Variants in CFAP46 observed in about 807,000 individuals in gnomAD.
CFAP46 encodes cilia and flagella associated protein 46, also known as cilia- and flagella-associated protein 46.
CFAP46 carries 245 observed loss-of-function variants against 325.7 expected under a neutral mutation model. That is an observed-to-expected ratio of 0.75 (90% CI 0.68 to 0.84). The LOEUF is 0.84. Ranked by LOEUF, CFAP46 falls within the 40% of genes least tolerant of loss-of-function variation. The pLI is 0.00. For synonymous variants in CFAP46, 1,523 were observed against 1,495.9 expected, an observed-to-expected ratio of 1.02 and a Z score of -0.42; for missense variants, 3,346 against 3,543.0, an observed-to-expected ratio of 0.94 and a Z score of 1.41.
At chr10:132,878,273 C>T (rs764714379) in intron 29 of CFAP46, among the ~76,000 whole-genome samples, 186 bp from the exon 30 acceptor site, 1 of 152,198 alleles carries the variant, frequency 6.6e-6, no homozygotes, top group East Asian at 1.9e-4. Context: ...TGGGCTGGCC[C>T]GGGGTGTGGG....
rs1395444540 is a variant in CFAP46, at chr10:132,877,835, G to C, written c.4212+46C>G. On this transcript the variant is annotated intron_variant, in intron 30 of 57. Transcript: ENST00000368586. The surrounding 1 kb of genome is among the most constrained non-coding windows in gnomAD (Gnocchi z 5.7). ...TGACAGGCAGGGAAACTGAGGCACAGGCCATCCTGGGCCCGGCCTCTGCAC... is the reference window on the plus strand; with the variant it reads ...TGACAGGCAGGGAAACTGAGGCACACGCCATCCTGGGCCCGGCCTCTGCAC... The C allele has an allele frequency of 6.5e-7, 1 of 1,539,354 alleles. No homozygotes were observed. Among genetic ancestry groups the C allele is most frequent in the South Asian group, 1.2e-5 (1 of 83,660 alleles).
chr10:132,831,958 A>G (rs1403521647), intron 50 of CFAP46, among the ~76,000 whole-genome samples: 1 of 152,086 alleles, frequency 6.6e-6, no homozygotes, highest in Non-Finnish European at 1.5e-5. Flanking sequence ...TTATAACTTT[A>G]TCACAGTCTA....
At chr10:132,841,937 ACTTCTGGGT>A (rs1298897495) in intron 44 of CFAP46, among the ~76,000 whole-genome samples, 1 of 152,056 alleles carries the variant, frequency 6.6e-6, no homozygotes, top group African/African-American at 2.4e-5. Context: ...CTCTGAAATG[ACTTCTGGGT>A]CTTTCTTCCA....
At chr10:132,885,704 C>T in intron 26 of CFAP46, 117 bp downstream of exon 26, 1 of 826,088 alleles carries the variant, frequency 1.2e-6, no homozygotes, top group African/African-American at 1.7e-5. Flanking sequence ...GAGCACACCC[C>T]CGGTGGGGAT....
At chr10:132,873,261 C>T (rs1015291191) in intron 31 of CFAP46, among the ~76,000 whole-genome samples, 3 of 152,240 alleles carry the variant, frequency 2.0e-5, no homozygotes, top group Admixed American at 6.5e-5. Context: ...AAAACCATTA[C>T]TCTTGAGTGG....
chr10:132,833,946 C>G lies in CFAP46; in HGVS notation c.6949+95G>C, dbSNP rs998378613. The stretch of plus-strand genomic sequence containing the variant: ...TGTGGGACTCCTGGGTTCCTGACCC[C>G]CCCTGGCGTTCCCGGATGGGTGGGT... On this transcript the variant is annotated intron_variant, in intron 49 of 57. Coordinates refer to ENST00000368586, the MANE Select transcript of CFAP46 (RefSeq NM_001200049.3). The G allele has an allele frequency of 4.3e-6, 5 of 1,155,290 alleles. No individual in the cohort carries two copies. The East Asian group carries it at 7.1e-5, about 16-fold the overall frequency. 71.6% of individuals were successfully genotyped at this position (1,155,290 alleles called of 1,614,324 possible).
chr10:132,812,959 C>A, intron 54 of CFAP46, 62 bp from the exon 55 acceptor site: 1 of 1,345,598 alleles, frequency 7.4e-7, no homozygotes, highest in Non-Finnish European at 1.0e-6. Flanking sequence ...CCCCACCGTG[C>A]GTTCTTAAAG....
chr10:132,912,321 CCTCTCTTCTT>C (rs1849556577), intron 19 of CFAP46, among the ~76,000 whole-genome samples: 1 of 113,280 alleles, frequency 8.8e-6, no homozygotes, highest in African/African-American at 3.7e-5. Flanking sequence ...TGTCTCTTCT[CCTCTCTTCTT>C]CTCTCTCTCC....
intron 44 of CFAP46, among the ~76,000 whole-genome samples, chr10:132,838,513 G>A (rs1265586949): frequency 6.6e-6 from 1 of 152,272 alleles, no homozygotes; most frequent in Non-Finnish European, 1.5e-5. Flanking sequence ...CAGCTCAGGT[G>A]GGCTTTTCTG....
At chr10:132,907,543 A>C (rs905635376) in intron 22 of CFAP46, among the ~76,000 whole-genome samples, 3 of 152,236 alleles carry the variant, frequency 2.0e-5, no homozygotes, top group African/African-American at 7.2e-5. Flanking sequence ...ATTTATTTTC[A>C]AATTTAATTA....
In CFAP46 at chr10:132,808,786, C is replaced by T. The variant is rs774318310; in HGVS notation, c.7783G>A (p.Ala2595Thr). 3.8e-5 allele frequency: 61 copies of T among 1,599,890 alleles called. No individual in the cohort carries two copies. In the Middle Eastern group the frequency reaches 8.3e-4, roughly 22 times the overall value. The change falls in exon 58 of 58, where the codon GCC (alanine) becomes ACC (threonine). Residue 2595 changes from alanine to threonine, a missense_variant. By Grantham distance (58) the Ala-to-Thr change is moderately conservative. Transcript: ENST00000368586. The surrounding 1 kb of genome is among the most constrained non-coding windows in gnomAD (Gnocchi z 6.8). Reference sequence around the variant, plus strand: ...GCAGCTGATGGGAGGCAGGTCCAGGCCTGCACTACCCGATGGCTTGGTGCG... The same window carrying T: ...GCAGCTGATGGGAGGCAGGTCCAGGTCTGCACTACCCGATGGCTTGGTGCG... ...AAAPSHRVVQ[A>T]WTCLPSAAGA...
chr10:132,928,451 C>G (rs570687019), intron 9 of CFAP46, among the ~76,000 whole-genome samples: 1 of 152,368 alleles, frequency 6.6e-6, no homozygotes, highest in African/African-American at 2.4e-5. Context: ...CACCTGCACC[C>G]TGGTGGGCGG....
At chr10:132,913,857 G>T (rs1051708142) in intron 17 of CFAP46, among the ~76,000 whole-genome samples, 1 of 150,496 alleles carries the variant, frequency 6.6e-6, no homozygotes, top group Non-Finnish European at 1.5e-5. Context: ...GCCGGCCTGC[G>T]CGCTCCACCT....
At chr10:132,914,907 A>C (rs1849612955) in intron 17 of CFAP46, among the ~76,000 whole-genome samples, 1 of 152,216 alleles carries the variant, frequency 6.6e-6, no homozygotes, top group African/African-American at 2.4e-5. Context: ...CCTTCTGCCC[A>C]AGTGAGCGTC....
At chr10:132,821,472 TTGTGTGTGC>T (rs1847824650) in intron 50 of CFAP46, among the ~76,000 whole-genome samples, 1 of 137,090 alleles carries the variant, frequency 7.3e-6, no homozygotes, top group African/African-American at 2.9e-5. Flanking sequence ...CTGATGTGTG[TTGTGTGTGC>T]TGTGTGAGTG....
chr10:132,879,544 C>T lies in CFAP46; in HGVS notation c.3887G>A (p.Arg1296Gln), dbSNP rs555862290. The T allele has an allele frequency of 2.3e-4, 354 of 1,547,352 alleles. 1 individual carries two copies. The highest frequency in any genetic ancestry group is 3.9e-4 in the Admixed American group (20 of 50,884). Residue 1296 changes from arginine to glutamine, a missense_variant, in exon 29 of 58, where the codon CGG (arginine) becomes CAG (glutamine). Coordinates refer to ENST00000368586, the MANE Select transcript of CFAP46 (RefSeq NM_001200049.3). ...CACGCGGGCCAGCGCCTCCAGCTGC[C>T]GCACGCTACGCAGCTGCTCCAAGGA... ...AVSLEQLRSV[R>Q]QLEALARVHI... is the part of the protein sequence containing the mutation.
chr10:132,838,123 G>A (rs1050482194), intron 44 of CFAP46, among the ~76,000 whole-genome samples: 6 of 152,238 alleles, frequency 3.9e-5, no homozygotes, highest in South Asian at 2.1e-4. Context: ...GCTCCGGCCC[G>A]TCCGCTCCCG....
intron 10 of CFAP46, among the ~76,000 whole-genome samples, chr10:132,926,018 A>G (rs1468975630): frequency 2.0e-5 from 3 of 152,178 alleles, no homozygotes; most frequent in Admixed American, 6.5e-5. Context: ...TAACTGGGAA[A>G]TTATTACTGA....
chr10:132,898,813 A>C (rs1216388276), intron 24 of CFAP46, 146 bp downstream of exon 24: 1 of 1,141,542 alleles, frequency 8.8e-7, no homozygotes. Context: ...GACCCCCCTT[A>C]ACCCCCTCCC....
Sources: gnomAD v4.1 joint callset for allele counts (sites outside exome capture counted in the v4.1 genomes callset) on GRCh38, gnomAD v4.1.1 for gene constraint, Gnocchi (gnomAD v3.1) non-coding constraint, MANE v1.5 for transcripts, NCBI Gene and HGNC (gene_info 2026-07-23, HGNC 2026-07-21) for gene names.